The following RBFOX3 variants were observed in gnomAD, a reference collection of about 807,000 sequenced individuals.
RBFOX3 encodes RNA binding protein fox-1 homolog 3.
In RBFOX3, 17 loss-of-function variants were observed where a neutral mutation model predicts 48.7. The observed-to-expected ratio is 0.35, with a 90% CI of 0.24 to 0.52. RBFOX3 has a LOEUF of 0.52. RBFOX3 is among the 20% of genes least tolerant of loss of function. RBFOX3 has a pLI of 0.94. For missense variants in RBFOX3, 382 were observed against 497.5 expected (o/e 0.77, Z 2.21); for synonymous variants, 212 against 209.5 (o/e 1.01, Z -0.10).
chr17:79,110,212 G>A (rs1040895288), intron 5 of RBFOX3, among the ~76,000 whole-genome samples: 3 of 151,186 alleles, frequency 2.0e-5, no homozygotes, highest in Admixed American at 6.6e-5. Flanking sequence ...CTTCCCTCCC[G>A]ACTGGGCTGG....
upstream of RBFOX3, among the ~76,000 whole-genome samples, chr17:79,612,503 G>A (rs2093976613): frequency 6.6e-6 from 1 of 152,168 alleles, no homozygotes; most frequent in Non-Finnish European, 1.5e-5. Context: ...AGAGACGGTG[G>A]CCAAGACAGT....
chr17:79,239,907 C>G (rs2062117040), intron 3 of RBFOX3, among the ~76,000 whole-genome samples: 1 of 152,254 alleles, frequency 6.6e-6, no homozygotes, highest in African/African-American at 2.4e-5. Flanking sequence ...TGGGGAATCC[C>G]AGCCACGGAT....
At chr17:79,312,572 G>A (rs967064351) in intron 2 of RBFOX3, among the ~76,000 whole-genome samples, 50 of 152,132 alleles carry the variant, frequency 3.3e-4, no homozygotes, top group African/African-American at 1.2e-3. Context: ...CAGGTGGTGG[G>A]GCTGGCTGTC....
the RBFOX3 span, among the ~76,000 whole-genome samples, chr17:79,620,344 CACACACACGGACATGG>C: frequency 3.3e-5 from 5 of 149,414 alleles, no homozygotes; most frequent in South Asian, 2.1e-4. Context: ...CACAGACATG[CACACACACGGACATGG>C]ACACACACGG....
At chr17:79,228,293 A>G (rs1013452863) in intron 4 of RBFOX3, among the ~76,000 whole-genome samples, 4 of 152,120 alleles carry the variant, frequency 2.6e-5, no homozygotes, top group African/African-American at 9.7e-5. Context: ...GAAGCCTGAG[A>G]GAGAGGTGTG....
chr17:79,352,289 T>C (rs2084096885), intron 2 of RBFOX3, among the ~76,000 whole-genome samples: 1 of 152,094 alleles, frequency 6.6e-6, no homozygotes, highest in South Asian at 2.1e-4. Flanking sequence ...TGATATCTGG[T>C]TGTTTAAAAG....
intron 1 of RBFOX3, among the ~76,000 whole-genome samples, chr17:79,581,109 A>G (rs923938744): frequency 1.3e-5 from 2 of 152,238 alleles, no homozygotes; most frequent in East Asian, 1.9e-4. Flanking sequence ...TTAGCCGGGC[A>G]TGGTGGCGGG....
chr17:79,484,265 G>C (rs1187870397), intron 1 of RBFOX3, among the ~76,000 whole-genome samples: 3 of 151,374 alleles, frequency 2.0e-5, no homozygotes, highest in African/African-American at 7.2e-5. Context: ...CCATACCGAA[G>C]AACCGAAGAG....
intron 4 of RBFOX3, among the ~76,000 whole-genome samples, chr17:79,129,156 G>A (rs888211575): frequency 5.3e-5 from 8 of 152,212 alleles, no homozygotes; most frequent in Non-Finnish European, 1.0e-4. Context: ...GATAATTAGA[G>A]TAGTGACGGA....
intron 4 of RBFOX3, among the ~76,000 whole-genome samples, chr17:79,179,871 T>A (rs1187870164): frequency 6.6e-6 from 1 of 152,100 alleles, no homozygotes; most frequent in African/African-American, 2.4e-5. Flanking sequence ...AGCTTCAGGG[T>A]TCCTAGGAGG....
At chr17:79,469,200 C>G (rs772400285) in intron 2 of RBFOX3, among the ~76,000 whole-genome samples, 1 of 152,144 alleles carries the variant, frequency 6.6e-6, no homozygotes, top group Non-Finnish European at 1.5e-5. Flanking sequence ...TCAGAAAGGT[C>G]GGTCCAGGTC....
chr17:79,414,018 AG>A (rs1672790037), intron 2 of RBFOX3, among the ~76,000 whole-genome samples: 1 of 152,014 alleles, frequency 6.6e-6, no homozygotes, highest in African/African-American at 2.4e-5. Context: ...GACCAGGCAG[AG>A]GGGACCCAGC....
At chr17:79,202,094 G>A (rs1250811658) in intron 4 of RBFOX3, among the ~76,000 whole-genome samples, 2 of 152,150 alleles carry the variant, frequency 1.3e-5, no homozygotes, top group African/African-American at 2.4e-5. Flanking sequence ...TCGGTCCCCT[G>A]GGTGCACTGA....
At chr17:79,635,222 G>C in the RBFOX3 span, among the ~76,000 whole-genome samples, 1 of 152,170 alleles carries the variant, frequency 6.6e-6, no homozygotes, top group Non-Finnish European at 1.5e-5. Flanking sequence ...AGGGATGCCT[G>C]GTTAAGGGCT....
intron 2 of RBFOX3, among the ~76,000 whole-genome samples, chr17:79,329,702 T>C (rs1384259963): frequency 6.6e-6 from 1 of 152,082 alleles, no homozygotes; most frequent in Non-Finnish European, 1.5e-5. Context: ...CCCCGGTGCA[T>C]CTTCAGGAAG....
chr17:79,336,120 C>T (rs1273859427), intron 2 of RBFOX3, among the ~76,000 whole-genome samples: 1 of 152,210 alleles, frequency 6.6e-6, no homozygotes, highest in Admixed American at 6.5e-5. Context: ...GGAGCAGTGG[C>T]TCTCGCCTGT....
chr17:79,544,268 C>A (rs1196927836), intron 1 of RBFOX3, among the ~76,000 whole-genome samples: 2 of 152,142 alleles, frequency 1.3e-5, no homozygotes, highest in Non-Finnish European at 2.9e-5. Flanking sequence ...GAGATCTATA[C>A]AACGGAAAAG....
chr17:79,259,017 G>A (rs2065312029), intron 3 of RBFOX3, among the ~76,000 whole-genome samples: 1 of 152,218 alleles, frequency 6.6e-6, no homozygotes, highest in South Asian at 2.1e-4. Context: ...TTGCAGAGTC[G>A]CTTATCACTT....
rs576735652 is a variant in RBFOX3 at position 79,220,228 on chromosome 17, C to T, written c.-34+15538G>A. On this transcript the variant is annotated intron_variant, in intron 4 of 14. Coordinates refer to ENST00000693108, the MANE Select transcript of RBFOX3 (RefSeq NM_001350451.2). The surrounding 1 kb of genome is among the most constrained non-coding windows in gnomAD (Gnocchi z 5.9). ...GAACCGCGGCTCCACAGCAGGCTCC[C>T]GGGGAGGAGGGGAGGAGACCCAATC... is the stretch of plus-strand genomic sequence containing the variant. Among the ~76,000 whole-genome samples, 3 of 152,212 alleles carry T rather than the reference C, an allele frequency of 2.0e-5. No homozygotes were observed. The highest frequency in any genetic ancestry group is 2.1e-4 in the South Asian group (1 of 4,816).
Sources: gnomAD v4.1 joint callset for allele counts (sites outside exome capture counted in the v4.1 genomes callset) on GRCh38, gnomAD v4.1.1 for gene constraint, Gnocchi (gnomAD v3.1) non-coding constraint, MANE v1.5 for transcripts, NCBI Gene and HGNC (gene_info 2026-07-23, HGNC 2026-07-21) for gene names.